The following RBFOX1 variants were observed in gnomAD, a reference collection of about 807,000 sequenced individuals.
RBFOX1 encodes RNA binding fox-1 homolog 1.
A neutral mutation model predicts 57.7 loss-of-function variants in RBFOX1; 8 were observed. The ratio of observed to expected loss-of-function variants is 0.14; its 90% confidence interval spans 0.08 to 0.25. The LOEUF (loss-of-function observed/expected upper bound fraction) is 0.25, where lower values mean the gene tolerates loss of function less well. Ranked by LOEUF, RBFOX1 falls within the 10% of genes least tolerant of loss-of-function variation. RBFOX1 has a pLI of 1.00. For synonymous variants in RBFOX1, 326 were observed against 222.4 expected (o/e 1.47, Z -4.15); for missense variants, 611 against 548.5 (o/e 1.11, Z -1.14).
intron 4 of RBFOX1, among the ~76,000 whole-genome samples, chr16:7,307,450 C>T (rs1443774884): frequency 6.6e-6 from 1 of 152,144 alleles, no homozygotes; most frequent in Admixed American, 6.5e-5. Context: ...ATCACTTTTG[C>T]CACGAATAAT....
At chr16:7,678,976 T>G (rs1307353350) in intron 14 of RBFOX1, among the ~76,000 whole-genome samples, 1 of 152,200 alleles carries the variant, frequency 6.6e-6, no homozygotes, top group Non-Finnish European at 1.5e-5. Context: ...CTCTTGTTGT[T>G]CATTAGAGAA....
At chr16:7,500,043 C>T (rs60917250) in intron 4 of RBFOX1, among the ~76,000 whole-genome samples, 17,715 of 152,086 alleles carry the variant, frequency 0.12, 1,081 homozygotes, top group East Asian at 0.21. Context: ...TCAGCCAGGC[C>T]CTGCTGTACT....
chr16:6,146,189 G>A (rs1321062645), intron 1 of RBFOX1, among the ~76,000 whole-genome samples: 2 of 152,130 alleles, frequency 1.3e-5, no homozygotes, highest in Non-Finnish European at 1.5e-5. Context: ...TGTGGGAGGG[G>A]GTGGAGGCAG....
At chr16:6,834,754 G>A (rs972702635) in intron 3 of RBFOX1, among the ~76,000 whole-genome samples, 3 of 152,128 alleles carry the variant, frequency 2.0e-5, no homozygotes, top group Non-Finnish European at 4.4e-5. Context: ...TCGTGAGACA[G>A]TTGCATTTAC....
At chr16:7,380,054 T>C (rs895808458) in intron 4 of RBFOX1, among the ~76,000 whole-genome samples, 1 of 152,176 alleles carries the variant, frequency 6.6e-6, no homozygotes, top group African/African-American at 2.4e-5. Context: ...AAGAGTGTCT[T>C]GCTATGTTTC....
chr16:7,697,461 T>C (rs889589985), intron 14 of RBFOX1, among the ~76,000 whole-genome samples: 19 of 152,158 alleles, frequency 1.2e-4, no homozygotes, highest in Non-Finnish European at 2.8e-4. Flanking sequence ...CAAGGTGTAA[T>C]AGTAACTTAC....
chr16:6,559,086 C>A (rs1300546180), intron 2 of RBFOX1, among the ~76,000 whole-genome samples: 5 of 151,178 alleles, frequency 3.3e-5, no homozygotes, highest in Non-Finnish European at 7.4e-5. Flanking sequence ...GTTCCTTGTA[C>A]TTTTCCTCCA....
At chr16:7,353,331 C>A (rs1012832958) in intron 4 of RBFOX1, among the ~76,000 whole-genome samples, 8 of 151,986 alleles carry the variant, frequency 5.3e-5, no homozygotes, top group South Asian at 2.1e-4. Context: ...AGCAAAGATG[C>A]GGAGAAATTG....
chr16:6,020,024 C>T (rs1162068169), intron 1 of RBFOX1, 32 bp downstream of exon 1: 18 of 1,461,060 alleles, frequency 1.2e-5, no homozygotes, highest in African/African-American at 2.8e-5. Context: ...GCCTCTGCAC[C>T]CACCCTGACC....
intron 3 of RBFOX1, chr16:6,748,872 G>C (rs1390349254): frequency 2.0e-5 from 3 of 152,102 alleles, no homozygotes; most frequent in East Asian, 1.9e-4. Context: ...GACTGATAAG[G>C]TCTTTGTCTA....
chr16:5,786,838 C>T (rs1316898172), intron 3 of RBFOX1, among the ~76,000 whole-genome samples: 1 of 152,046 alleles, frequency 6.6e-6, no homozygotes, highest in African/African-American at 2.4e-5. Flanking sequence ...TGAAAGAGGT[C>T]TGAAAGGTAG....
intron 4 of RBFOX1, among the ~76,000 whole-genome samples, chr16:7,392,160 T>G (rs1375344948): frequency 6.6e-6 from 1 of 152,232 alleles, no homozygotes; most frequent in Non-Finnish European, 1.5e-5. Context: ...AATGTTTTAT[T>G]CTGCCTCTTC....
chr16:5,470,377 C>G (rs2069094507), intron 2 of RBFOX1, among the ~76,000 whole-genome samples: 1 of 152,160 alleles, frequency 6.6e-6, no homozygotes, highest in African/African-American at 2.4e-5. Context: ...CACTGCAGCC[C>G]CTTAACCTCT....
intron 1 of RBFOX1, among the ~76,000 whole-genome samples, chr16:5,385,552 C>T (rs1405413498): frequency 6.6e-6 from 1 of 152,248 alleles, no homozygotes; most frequent in Non-Finnish European, 1.5e-5. Context: ...TGGCTTTCTC[C>T]CCCTTAAATG....
chr16:5,966,814 G>T (rs961265493), intron 4 of RBFOX1, among the ~76,000 whole-genome samples: 8 of 151,980 alleles, frequency 5.3e-5, no homozygotes, highest in African/African-American at 1.9e-4. Context: ...ATTTGGGTAG[G>T]GGGGCAGATC....
intron 1 of RBFOX1, among the ~76,000 whole-genome samples, chr16:6,188,570 A>G (rs553416708): frequency 3.9e-5 from 6 of 152,220 alleles, no homozygotes; most frequent in Non-Finnish European, 7.3e-5. Flanking sequence ...AATAACAATC[A>G]ATATATTTTG....
intron 2 of RBFOX1, among the ~76,000 whole-genome samples, chr16:6,499,605 G>C (rs1445539562): frequency 6.6e-6 from 1 of 152,092 alleles, no homozygotes; most frequent in African/African-American, 2.4e-5. Context: ...CAGTGGGAAT[G>C]ATTCAGCTTA....
chr16:7,296,114 G>A (rs189435167), intron 4 of RBFOX1, among the ~76,000 whole-genome samples: 245 of 141,148 alleles, frequency 1.7e-3, no homozygotes, highest in South Asian at 9.4e-3. Context: ...CCCAAATGCC[G>A]ATCCACAGAC....
chr16:7,597,276 T>C, intron 8 of RBFOX1, 95 bp from the exon 9 acceptor site: 4 of 877,810 alleles, frequency 4.6e-6, no homozygotes, highest in Non-Finnish European at 6.9e-6. Context: ...TTAGTTTTCT[T>C]TTTTAATAAG....
Sources: gnomAD v4.1 joint callset for allele counts (sites outside exome capture counted in the v4.1 genomes callset) on GRCh38, gnomAD v4.1.1 for gene constraint, MANE v1.5 for transcripts, NCBI Gene and HGNC (gene_info 2026-07-23, HGNC 2026-07-21) for gene names.